NAALADL2: variants seen among roughly 807,000 people sequenced by gnomAD.
The protein encoded by NAALADL2 is N-acetylated alpha-linked acidic dipeptidase like 2, also known as inactive N-acetylated-alpha-linked acidic dipeptidase-like protein 2.
A neutral mutation model predicts 87.2 loss-of-function variants in NAALADL2; 76 were observed. That is an observed-to-expected ratio of 0.87 (90% confidence interval 0.72 to 1.05). The LOEUF (loss-of-function observed/expected upper bound fraction) is 1.05, where lower values mean the gene tolerates loss of function less well. NAALADL2 is among the 50% of genes least tolerant of loss of function. The pLI is 0.00. For missense variants in NAALADL2, 1,089 were observed against 945.8 expected (o/e 1.15, Z -1.99); for synonymous variants, 354 against 331.0 (o/e 1.07, Z -0.75).
chr3:174,463,813 G>A (rs947352325), intron 1 of NAALADL2, among the ~76,000 whole-genome samples: 8 of 152,034 alleles, frequency 5.3e-5, no homozygotes, highest in East Asian at 3.9e-4. Context: ...TGTTAGCCAG[G>A]ATGGTCTTGA....
intron 2 of NAALADL2, among the ~76,000 whole-genome samples, chr3:174,568,020 A>G (rs1224591644): frequency 2.0e-5 from 3 of 151,700 alleles, no homozygotes; most frequent in Non-Finnish European, 4.4e-5. Flanking sequence ...TCAGGCATAA[A>G]TCCATAAAAC....
chr3:175,553,350 T>G (rs1381982356), intron 9 of NAALADL2, among the ~76,000 whole-genome samples: 1 of 152,102 alleles, frequency 6.6e-6, no homozygotes, highest in Non-Finnish European at 1.5e-5. Flanking sequence ...GATGAGAAGA[T>G]TTTAAAGTTC....
At chr3:174,668,285 A>T (rs1255938051) in intron 2 of NAALADL2, among the ~76,000 whole-genome samples, 2 of 152,064 alleles carry the variant, frequency 1.3e-5, no homozygotes, top group African/African-American at 4.8e-5. Flanking sequence ...TATGATTTGC[A>T]GATACTTTCC....
intron 1 of NAALADL2, 65 bp downstream of exon 1, chr3:174,859,515 C>A (rs1726211347): frequency 1.5e-6 from 2 of 1,360,794 alleles, no homozygotes; most frequent in Non-Finnish European, 2.1e-6. Context: ...GTGTTGATTA[C>A]AAAGTCTGTG....
At chr3:174,882,622 T>TATATGTGCATATGCAC (rs1729428576) in intron 1 of NAALADL2, among the ~76,000 whole-genome samples, 3 of 130,662 alleles carry the variant, frequency 2.3e-5, no homozygotes, top group African/African-American at 3.4e-5. Flanking sequence ...TGCATATGCA[T>TATATGTGCATATGCAC]ATATGTGCAT....
chr3:174,812,435 T>C (rs1720319464), intron 3 of NAALADL2, among the ~76,000 whole-genome samples: 1 of 152,240 alleles, frequency 6.6e-6, no homozygotes, highest in Non-Finnish European at 1.5e-5. Flanking sequence ...GTATATTACA[T>C]ACAATTATTT....
chr3:174,453,491 A>G (rs1405425502), intron 1 of NAALADL2, among the ~76,000 whole-genome samples: 1 of 152,192 alleles, frequency 6.6e-6, no homozygotes, highest in East Asian at 1.9e-4. Flanking sequence ...GTCAAAATGA[A>G]AGAAAAAGTG....
At chr3:174,636,334 C>A (rs1722643952) in intron 2 of NAALADL2, among the ~76,000 whole-genome samples, 1 of 152,140 alleles carries the variant, frequency 6.6e-6, no homozygotes, top group African/African-American at 2.4e-5. Context: ...GAAAAGCTGA[C>A]AAATGAGACT....
At chr3:174,942,669 C>T (rs1365758233) in intron 1 of NAALADL2, among the ~76,000 whole-genome samples, 2 of 152,088 alleles carry the variant, frequency 1.3e-5, no homozygotes, top group East Asian at 3.9e-4. Context: ...TCAGGGATGC[C>T]AGTTATTCAT....
intron 11 of NAALADL2, among the ~76,000 whole-genome samples, chr3:175,668,664 C>T (rs1174451765): frequency 6.6e-6 from 1 of 152,018 alleles, no homozygotes; most frequent in Non-Finnish European, 1.5e-5. Flanking sequence ...GATTTCTGTC[C>T]CCTTTGCAAA....
At chr3:174,456,435 A>AAAAAAAC (rs1715839358) in intron 1 of NAALADL2, among the ~76,000 whole-genome samples, 1 of 143,972 alleles carries the variant, frequency 6.9e-6, no homozygotes, top group African/African-American at 2.5e-5. Flanking sequence ...AAAAAAAAAA[A>AAAAAAAC]TCAGGAAGCA....
intron 1 of NAALADL2, among the ~76,000 whole-genome samples, chr3:174,472,455 G>T (rs1716963967): frequency 6.6e-6 from 1 of 152,194 alleles, no homozygotes; most frequent in South Asian, 2.1e-4. Flanking sequence ...GTGTATGTGT[G>T]TTGGTGACAG....
intron 1 of NAALADL2, among the ~76,000 whole-genome samples, chr3:174,876,641 G>A (rs1338937866): frequency 6.6e-6 from 1 of 152,072 alleles, no homozygotes; most frequent in Non-Finnish European, 1.5e-5. Context: ...CATTTACGAG[G>A]TACCACCAGC....
At chr3:174,621,475 A>C (rs1720985251) in intron 2 of NAALADL2, among the ~76,000 whole-genome samples, 1 of 152,152 alleles carries the variant, frequency 6.6e-6, no homozygotes, top group Admixed American at 6.5e-5. Flanking sequence ...AAAATATGAA[A>C]GCTCCATTAG....
intron 3 of NAALADL2, among the ~76,000 whole-genome samples, chr3:174,842,900 G>A (rs536058567): frequency 3.9e-5 from 6 of 152,088 alleles, no homozygotes; most frequent in Non-Finnish European, 7.4e-5. Flanking sequence ...TTTCCTTGCC[G>A]TCAATTATGG....
At chr3:175,652,700 G>A (rs1016954404) in intron 11 of NAALADL2, among the ~76,000 whole-genome samples, 1 of 151,900 alleles carries the variant, frequency 6.6e-6, no homozygotes, top group African/African-American at 2.4e-5. Flanking sequence ...GGATGGTCTC[G>A]ATCTCCTGAC....
intron 2 of NAALADL2, among the ~76,000 whole-genome samples, chr3:175,162,070 A>G (rs964239517): frequency 2.0e-5 from 3 of 152,080 alleles, no homozygotes; most frequent in African/African-American, 7.2e-5. Flanking sequence ...GGACTGTTAG[A>G]TTTTGCTGCT....
intron 2 of NAALADL2, chr3:175,115,282 A>G (rs1724923230): frequency 6.6e-6 from 1 of 151,550 alleles, no homozygotes; most frequent in Admixed American, 6.6e-5. Context: ...CTTTATTGTG[A>G]GCATTGATTT....
At chr3:175,753,084 G>C (rs1408597741) in intron 12 of NAALADL2, among the ~76,000 whole-genome samples, 1 of 152,098 alleles carries the variant, frequency 6.6e-6, no homozygotes, top group Non-Finnish European at 1.5e-5. Context: ...ACCTCATTTT[G>C]TTGTGAAATC....
Sources: gnomAD v4.1 joint callset for allele counts (sites outside exome capture counted in the v4.1 genomes callset) on GRCh38, gnomAD v4.1.1 for gene constraint, MANE v1.5 for transcripts, NCBI Gene and HGNC (gene_info 2026-07-23, HGNC 2026-07-21) for gene names.